The following FHIT variants were observed in gnomAD, a reference collection of about 807,000 sequenced individuals.
FHIT encodes bis(5'-adenosyl)-triphosphatase.
Under a neutral mutation model 17.9 loss-of-function variants are expected in FHIT, and 19 were observed. That is an observed-to-expected ratio of 1.06 (90% CI 0.74 to 1.56). FHIT has a LOEUF of 1.56. Ranked by LOEUF, FHIT falls within the 40% of genes most tolerant of loss-of-function variation. The pLI, the probability that FHIT is intolerant of heterozygous loss-of-function variation, is 0.00. For missense variants in FHIT, 248 were observed against 189.2 expected (o/e 1.31, Z -1.82); for synonymous variants, 81 against 69.7 (o/e 1.16, Z -0.81).
At position 60,695,604 on chromosome 3, in the gene FHIT, G is replaced by T. The variant is rs373880719; in HGVS notation, c.-18+126315C>A. Among the ~76,000 whole-genome samples the T allele has an allele frequency of 1.8e-3, 275 of 152,190 alleles. 2 individuals carry two copies. The highest frequency in any genetic ancestry group is 0.017 in the Middle Eastern group (5 of 294). On this transcript the variant is annotated intron_variant, in intron 4 of 9. Transcript: ENST00000492590. Reference sequence around the variant, plus strand: ...ACTGTTACCTCACTGGCTGCTTTGGGAGGATCAGCTGTGATAATTCATGTA... The same window carrying T: ...ACTGTTACCTCACTGGCTGCTTTGGTAGGATCAGCTGTGATAATTCATGTA...
At chr3:59,878,639 G>A (rs1220448130) in intron 8 of FHIT, among the ~76,000 whole-genome samples, 1 of 152,132 alleles carries the variant, frequency 6.6e-6, no homozygotes, top group Non-Finnish European at 1.5e-5. Context: ...CACAGCATGA[G>A]GAACACAGCC....
chr3:60,174,549 A>G (rs1440892368), intron 5 of FHIT, among the ~76,000 whole-genome samples: 2 of 152,168 alleles, frequency 1.3e-5, no homozygotes, highest in Non-Finnish European at 2.9e-5. Flanking sequence ...ACAGAAGTTC[A>G]GAGAGAAAAT....
chr3:60,209,663 G>GA (rs1703360146), intron 5 of FHIT, among the ~76,000 whole-genome samples: 1 of 152,060 alleles, frequency 6.6e-6, no homozygotes, highest in South Asian at 2.1e-4. Flanking sequence ...TAGGGCTTTT[G>GA]AAAAAGACAT....
chr3:60,863,597 A>T (rs1553753184), intron 3 of FHIT, among the ~76,000 whole-genome samples: 1 of 152,178 alleles, frequency 6.6e-6, no homozygotes, highest in African/African-American at 2.4e-5. Flanking sequence ...TAGTGGAATA[A>T]ATTAATGCAC....
At chr3:60,247,463 G>C (rs572736480) in intron 5 of FHIT, among the ~76,000 whole-genome samples, 12 of 151,902 alleles carry the variant, frequency 7.9e-5, no homozygotes, top group African/African-American at 2.9e-4. Context: ...AAGAAGAAAA[G>C]AAACTTAAAA....
chr3:60,255,673 T>C (rs888724612), intron 5 of FHIT, among the ~76,000 whole-genome samples: 4 of 151,790 alleles, frequency 2.6e-5, no homozygotes, highest in Non-Finnish European at 5.9e-5. Context: ...AAAGATAAAA[T>C]AAAAAGAAAT....
chr3:60,244,683 T>G lies in FHIT; in HGVS notation c.104-230531A>C, dbSNP rs187437708. 7.2e-5 allele frequency among the ~76,000 whole-genome samples: 11 copies of G among 152,214 alleles called. No homozygotes were observed. In the East Asian group the frequency reaches 9.6e-4, roughly 13 times the overall value. On this transcript the variant is annotated intron_variant, in intron 5 of 9. Coordinates refer to ENST00000492590, the MANE Select transcript of FHIT (RefSeq NM_002012.4). ...GGATCTTGAGTGTTCTGAATTGTGC[T>G]CAACAGTATTTACCACACGTGTTGC...
At chr3:60,509,205 T>C (rs2034850792) in intron 5 of FHIT, among the ~76,000 whole-genome samples, 2 of 152,136 alleles carry the variant, frequency 1.3e-5, no homozygotes, top group Admixed American at 1.3e-4. Flanking sequence ...TACCAGGACA[T>C]GTATGGTTGG....
chr3:60,121,448 G>C (rs1705241554), intron 5 of FHIT, among the ~76,000 whole-genome samples: 3 of 152,078 alleles, frequency 2.0e-5, no homozygotes, highest in African/African-American at 7.2e-5. Context: ...CACTTTGGGA[G>C]GCAGAGGTGG....
At chr3:59,780,380 C>A (rs1254888974) in intron 8 of FHIT, among the ~76,000 whole-genome samples, 1 of 152,216 alleles carries the variant, frequency 6.6e-6, no homozygotes, top group Non-Finnish European at 1.5e-5. Context: ...GTCCAAGCTA[C>A]AAAATGTGTT....
chr3:60,314,762 G>A (rs967270867), intron 5 of FHIT, among the ~76,000 whole-genome samples: 13 of 152,210 alleles, frequency 8.5e-5, no homozygotes, highest in African/African-American at 3.1e-4. Flanking sequence ...CCCTGAGTAA[G>A]GTGGGGCCAC....
chr3:60,492,709 G>A (rs2034119141), intron 5 of FHIT, among the ~76,000 whole-genome samples: 1 of 151,900 alleles, frequency 6.6e-6, no homozygotes. Flanking sequence ...GTTTCTCCAT[G>A]TTGGTCAGGC....
intron 4 of FHIT, among the ~76,000 whole-genome samples, chr3:60,561,920 GAGAGAAAGAAAAAGAGAAAGAGAGAAAC>G (rs916370678): frequency 2.0e-5 from 3 of 151,308 alleles, no homozygotes; most frequent in African/African-American, 7.3e-5. Context: ...GAGAGAGAAA[GAGAGAAAGAAAAAGAGAAAGAGAGAAAC>G]AGAGAGAGAG....
chr3:61,036,914 G>GTT (rs1248064270), intron 3 of FHIT, among the ~76,000 whole-genome samples: 5 of 127,050 alleles, frequency 3.9e-5, no homozygotes, highest in Admixed American at 2.3e-4. Context: ...TTTTTTTTTT[G>GTT]TTTGTTTGTT....
chr3:60,457,114 T>C (rs942218131), intron 5 of FHIT, among the ~76,000 whole-genome samples: 44 of 152,192 alleles, frequency 2.9e-4, no homozygotes, highest in Admixed American at 1.9e-3. Flanking sequence ...ACAGAGCCCG[T>C]ATTGCCAAGT....
At chr3:61,023,566 A>C (rs928329987) in intron 3 of FHIT, among the ~76,000 whole-genome samples, 1 of 151,086 alleles carries the variant, frequency 6.6e-6, no homozygotes, top group African/African-American at 2.4e-5. Context: ...GCATCACACT[A>C]CCTGAGGCAT....
intron 2 of FHIT, among the ~76,000 whole-genome samples, chr3:61,119,402 C>T (rs1056161083): frequency 2.0e-5 from 3 of 151,936 alleles, no homozygotes; most frequent in South Asian, 2.1e-4. Context: ...TTAGTAGAGA[C>T]GGGGTTTCAA....
At chr3:60,577,056 A>G (rs1302807323) in intron 4 of FHIT, among the ~76,000 whole-genome samples, 1 of 152,098 alleles carries the variant, frequency 6.6e-6, no homozygotes, top group Non-Finnish European at 1.5e-5. Flanking sequence ...CTAATTATGG[A>G]AAAAAATTGT....
At chr3:59,861,853 T>C (rs1186650614) in intron 8 of FHIT, among the ~76,000 whole-genome samples, 1 of 151,994 alleles carries the variant, frequency 6.6e-6, no homozygotes, top group African/African-American at 2.4e-5. Context: ...ACATGAAACA[T>C]GGTATTCAGA....
Sources: allele counts gnomAD v4.1 joint callset (sites outside exome capture counted in the v4.1 genomes callset), GRCh38; gene constraint gnomAD v4.1.1; transcripts MANE v1.5; gene names NCBI Gene and HGNC (gene_info 2026-07-23, HGNC 2026-07-21).